Variants in FAAH2 observed in about 807,000 individuals in gnomAD.
FAAH2 encodes the protein fatty-acid amide hydrolase 2.
Under a neutral mutation model 36.9 loss-of-function variants are expected in FAAH2, and 60 were observed. The observed-to-expected ratio is 1.63, with a 90% CI of 1.32 to 2.02. The LOEUF is 2.02. FAAH2 is among the 30% of genes most tolerant of loss of function. The pLI, the probability that FAAH2 is intolerant of heterozygous loss-of-function variation, is 0.00. For missense variants in FAAH2, 689 were observed against 397.5 expected, an observed-to-expected ratio of 1.73 and a Z score of -6.23; for synonymous variants, 214 against 143.8, an observed-to-expected ratio of 1.49 and a Z score of -3.49.
the FAAH2 span, among the ~76,000 whole-genome samples, chrX:57,277,187 G>A: frequency 9.0e-6 from 1 of 111,644 alleles, no homozygotes; most frequent in African/African-American, 3.3e-5. Flanking sequence ...TAAAATACTG[G>A]CAAACCGATT....
the FAAH2 span, among the ~76,000 whole-genome samples, chrX:57,131,822 C>A: frequency 1.8e-5 from 2 of 111,735 alleles, no homozygotes; most frequent in Non-Finnish European, 3.8e-5. Context: ...GTACTGTAAT[C>A]TCTGAGAGGA....
chrX:57,147,171 C>T, the FAAH2 span, among the ~76,000 whole-genome samples: 1 of 111,779 alleles, frequency 8.9e-6, no homozygotes, highest in East Asian at 2.8e-4. Context: ...TAGAATTCAG[C>T]TGTGAATTTG....
the FAAH2 span, among the ~76,000 whole-genome samples, chrX:57,236,897 G>A: frequency 1.2e-5 from 1 of 83,669 alleles, no homozygotes; most frequent in East Asian, 3.3e-4. Flanking sequence ...TATTGACTGT[G>A]CTTTTCATGT....
chrX:57,329,759 C>A (rs920735736), intron 3 of FAAH2, among the ~76,000 whole-genome samples: 31 of 110,695 alleles, frequency 2.8e-4, no homozygotes, highest in Non-Finnish European at 3.4e-4. Flanking sequence ...TCAGGGACCC[C>A]AAACAGAGGG....
At chrX:57,340,973 T>A (rs904520424) in intron 4 of FAAH2, among the ~76,000 whole-genome samples, 8 of 108,592 alleles carry the variant, frequency 7.4e-5, no homozygotes, top group Non-Finnish European at 1.5e-4. Flanking sequence ...AAAAAAAAAA[T>A]AAGAACTCTT....
chrX:57,122,757 A>G, the FAAH2 span, among the ~76,000 whole-genome samples: 2 of 111,868 alleles, frequency 1.8e-5, no homozygotes, highest in Non-Finnish European at 3.8e-5. Flanking sequence ...GAATGAGGGG[A>G]TGAGTCGGAT....
chrX:57,489,082 C>A lies in FAAH2; in HGVS notation c.*150C>A. Reference sequence around the variant, plus strand: ...TTAGTTATTCTTTCTACTTTTATTTCCTTCTCTAACTGTTGGTCTTACTAA... The same window carrying A: ...TTAGTTATTCTTTCTACTTTTATTTACTTCTCTAACTGTTGGTCTTACTAA... On this transcript the variant is annotated 3_prime_UTR_variant, in exon 11 of 11. Coordinates refer to ENST00000374900, the MANE Select transcript of FAAH2 (RefSeq NM_174912.4). 3 of 577,099 alleles carry A rather than the reference C, an allele frequency of 5.2e-6. No individual in the cohort carries two copies. The highest frequency in any genetic ancestry group is 5.1e-6 in the Non-Finnish European group (2 of 394,365). 47.6% of individuals were successfully genotyped at this position (577,099 alleles called of 1,213,427 possible).
chrX:57,206,448 C>T, the FAAH2 span, among the ~76,000 whole-genome samples: 1 of 111,568 alleles, frequency 9.0e-6, no homozygotes, highest in Non-Finnish European at 1.9e-5. Context: ...GTGATCATAA[C>T]ATTGGAGTAA....
the FAAH2 span, among the ~76,000 whole-genome samples, chrX:57,252,076 C>T: frequency 3.5e-5 from 4 of 112,875 alleles, no homozygotes; most frequent in Admixed American, 3.7e-4. Context: ...GGAGACCTGC[C>T]TGGCTTGGTG....
At chrX:57,186,136 G>A in the FAAH2 span, among the ~76,000 whole-genome samples, 2 of 111,561 alleles carry the variant, frequency 1.8e-5, no homozygotes, top group Admixed American at 1.9e-4. Flanking sequence ...GATCCTTGAG[G>A]AATCACCACA....
chrX:57,330,659 G>A (rs1259099818), intron 3 of FAAH2, among the ~76,000 whole-genome samples: 6 of 111,362 alleles, frequency 5.4e-5, no homozygotes, highest in African/African-American at 2.0e-4. Context: ...GGCTTGTGGG[G>A]CATCACGGAA....
At chrX:57,171,654 G>A in the FAAH2 span, among the ~76,000 whole-genome samples, 11 of 111,509 alleles carry the variant, frequency 9.9e-5, no homozygotes, top group East Asian at 2.8e-3. Context: ...GTAGATTCTG[G>A]ATATTAGTCT....
At chrX:57,268,703 T>C in the FAAH2 span, among the ~76,000 whole-genome samples, 1 of 111,678 alleles carries the variant, frequency 9.0e-6, no homozygotes, top group Non-Finnish European at 1.9e-5. Flanking sequence ...ATTCAATATT[T>C]TTAAGGAAAA....
chrX:57,396,971 CT>C (rs2055320621), intron 7 of FAAH2, among the ~76,000 whole-genome samples: 1 of 111,529 alleles, frequency 9.0e-6, no homozygotes, highest in Non-Finnish European at 1.9e-5. Flanking sequence ...TTTCTATTTT[CT>C]TAGGTCTAGT....
chrX:57,308,807 A>G (rs970555628), intron 2 of FAAH2, among the ~76,000 whole-genome samples: 5 of 111,415 alleles, frequency 4.5e-5, no homozygotes, highest in African/African-American at 1.6e-4. Context: ...CATTTTCCCA[A>G]TGCATTCTCA....
intron 5 of FAAH2, among the ~76,000 whole-genome samples, chrX:57,377,186 A>G (rs933799931): frequency 2.7e-5 from 3 of 111,847 alleles, no homozygotes; most frequent in South Asian, 3.7e-4. Context: ...TTCTGTTGCC[A>G]TTGCTTTTGG....
At chrX:57,394,243 A>G in intron 7 of FAAH2, 3 of 738,457 alleles carry the variant, frequency 4.1e-6, no homozygotes, top group Non-Finnish European at 6.5e-6. Flanking sequence ...AGTTCTGGTA[A>G]AGATGGGCAA....
the FAAH2 span, among the ~76,000 whole-genome samples, chrX:57,153,439 G>A: frequency 4.5e-5 from 5 of 111,392 alleles, no homozygotes; most frequent in Non-Finnish European, 7.5e-5. Flanking sequence ...TTTTTATATT[G>A]TATTTTAATT....
the FAAH2 span, among the ~76,000 whole-genome samples, chrX:57,162,714 G>T: frequency 1.8e-5 from 2 of 111,819 alleles, no homozygotes; most frequent in Non-Finnish European, 3.8e-5. Context: ...AGCTCCATCA[G>T]CTCCTTTAAG....
Sources: gnomAD v4.1 joint callset for allele counts (sites outside exome capture counted in the v4.1 genomes callset) on GRCh38, gnomAD v4.1.1 for gene constraint, MANE v1.5 for transcripts, NCBI Gene and HGNC (gene_info 2026-07-23, HGNC 2026-07-21) for gene names.